The following YARS1 variants were observed in gnomAD, a reference collection of about 807,000 sequenced individuals.
The protein encoded by YARS1 is tyrosyl-tRNA synthetase 1.
YARS1 carries 36 observed loss-of-function variants against 62.2 expected under a neutral mutation model. The ratio of observed to expected loss-of-function variants is 0.58; its 90% CI spans 0.44 to 0.76. The LOEUF (loss-of-function observed/expected upper bound fraction) is 0.76. YARS1 is among the 30% of genes least tolerant of loss of function. The pLI, the probability that YARS1 is intolerant of heterozygous loss-of-function variation, is 0.00. For synonymous variants in YARS1, 234 were observed against 244.9 expected (o/e 0.96, Z 0.42); for missense variants, 524 against 639.8 (o/e 0.82, Z 1.95).
chr1:32,814,184 C>G (rs1175873118), intron 1 of YARS1, among the ~76,000 whole-genome samples: 1 of 152,206 alleles, frequency 6.6e-6, no homozygotes, highest in Non-Finnish European at 1.5e-5. Flanking sequence ...CCCCAACCAT[C>G]TTTTTCACTG....
intron 6 of YARS1, among the ~76,000 whole-genome samples, chr1:32,790,180 C>A (rs1261614646): frequency 1.4e-5 from 2 of 138,664 alleles, no homozygotes; most frequent in African/African-American, 2.6e-5. Context: ...ACCACGCAGG[C>A]CTTTTTTTTT....
At chr1:32,815,760 TAGG>T (rs1477541401) in intron 1 of YARS1, among the ~76,000 whole-genome samples, 1 of 152,152 alleles carries the variant, frequency 6.6e-6, no homozygotes, top group African/African-American at 2.4e-5. Flanking sequence ...TCTCTAAGGC[TAGG>T]AGTAGTGGGT....
At chr1:32,785,646 G>A (rs778408951) in intron 8 of YARS1, among the ~76,000 whole-genome samples, 30 of 150,992 alleles carry the variant, frequency 2.0e-4, no homozygotes, top group Admixed American at 7.9e-4. Context: ...ACAATGGCGC[G>A]ATCTCGGTTC....
At chr1:32,802,238 C>T (rs550778627) in intron 4 of YARS1, among the ~76,000 whole-genome samples, 15 of 152,286 alleles carry the variant, frequency 9.8e-5, no homozygotes, top group African/African-American at 3.6e-4. Flanking sequence ...TGAGCCACCG[C>T]GCCCGGCCTG....
At chr1:32,777,036 T>G (rs1652887568) in intron 12 of YARS1, among the ~76,000 whole-genome samples, 1 of 151,906 alleles carries the variant, frequency 6.6e-6, no homozygotes, top group Non-Finnish European at 1.5e-5. Context: ...CCCTCAATTT[T>G]TTTTTTTTTT....
rs1223256828 is a variant in YARS1 at position 32,776,844 on chromosome 1, G to C, written c.1477-753C>G. ...AGCCGGGTGTGGTGGTGGGGCGCCT[G>C]TAGTCCCAGCTACTCAGAAGGCTGA... On this transcript the variant is annotated intron_variant, in intron 12 of 12. Transcript: ENST00000373477. This position sits in a 1 kb window ranked among gnomAD's most constrained non-coding sequence, Gnocchi z 4.0. 1.3e-5 allele frequency among the ~76,000 whole-genome samples: 2 copies of C among 151,918 alleles called. No individual in the cohort carries two copies. Among genetic ancestry groups the C allele is most frequent in the African/African-American group, 4.8e-5 (2 of 41,404 alleles).
chr1:32,803,399 T>C (rs1638356840), intron 4 of YARS1, among the ~76,000 whole-genome samples: 1 of 151,854 alleles, frequency 6.6e-6, no homozygotes, highest in South Asian at 2.1e-4. Flanking sequence ...CCCAAAGTGC[T>C]GGGATTACAG....
chr1:32,807,050 G>T (rs1280141340), intron 3 of YARS1, among the ~76,000 whole-genome samples: 4 of 152,158 alleles, frequency 2.6e-5, no homozygotes, highest in African/African-American at 9.7e-5. Context: ...AGTCTGGAAC[G>T]ATTAGTCCAT....
Position 32,791,272 on chromosome 1 carries a change from C to A in YARS1, c.592-18G>T. On this transcript the variant is annotated intron_variant, in intron 5 of 12. Transcript: ENST00000373477. ...GGGAGGTACTGAGAGATTAGAGAAACACACAAAAGCCGATATTAGTCTAAG... is the reference window on the plus strand; with the variant it reads ...GGGAGGTACTGAGAGATTAGAGAAAAACACAAAAGCCGATATTAGTCTAAG... 1 of 1,603,780 alleles carries A rather than the reference C, an allele frequency of 6.2e-7. No homozygotes were observed. The highest frequency in any genetic ancestry group is 8.5e-7 in the Non-Finnish European group (1 of 1,170,572).
chr1:32,797,200 C>T (rs1309700029), intron 5 of YARS1, among the ~76,000 whole-genome samples: 1 of 150,042 alleles, frequency 6.7e-6, no homozygotes, highest in African/African-American at 2.5e-5. Flanking sequence ...AGGGAGGCCT[C>T]ATCCCTACAA....
At chr1:32,802,460 C>T (rs186414846) in intron 4 of YARS1, among the ~76,000 whole-genome samples, 50 of 151,992 alleles carry the variant, frequency 3.3e-4, no homozygotes, top group Admixed American at 6.6e-4. Context: ...CCAGATCCAT[C>T]GGAGGAGTCA....
chr1:32,802,284 C>G (rs1229805224), intron 4 of YARS1, among the ~76,000 whole-genome samples: 1 of 152,088 alleles, frequency 6.6e-6, no homozygotes, highest in Non-Finnish European at 1.5e-5. Flanking sequence ...ACAGTGACTT[C>G]CCTCACTGAA....
chr1:32,800,940 T>C (rs1638273441), intron 4 of YARS1, among the ~76,000 whole-genome samples: 1 of 152,234 alleles, frequency 6.6e-6, no homozygotes, highest in Non-Finnish European at 1.5e-5. Context: ...AACAGAAGGA[T>C]GTTTCTGTTA....
Position 32,776,754 on chromosome 1 carries a change from CAGG to C in YARS1, c.1477-666_1477-664del, listed in dbSNP as rs1017275084. Among the ~76,000 whole-genome samples, 5 of 151,984 alleles carry C rather than the reference CAGG, an allele frequency of 3.3e-5. No homozygotes were observed. Among genetic ancestry groups the C allele is most frequent in the African/African-American group, 1.2e-4 (5 of 41,420 alleles). On this transcript the variant is annotated intron_variant, in intron 12 of 12. Transcript: ENST00000373477. The surrounding 1 kb of genome is among the most constrained non-coding windows in gnomAD (Gnocchi z 4.0). ...GGCCGAGGTGGGCGGATCACGAGGT[CAGG>C]AGATTGAGACCATCCTGGCTAATAC...
chr1:32,800,108 G>C (rs1278920682), intron 4 of YARS1, among the ~76,000 whole-genome samples: 1 of 152,034 alleles, frequency 6.6e-6, no homozygotes, highest in African/African-American at 2.4e-5. Flanking sequence ...AGCCTCACAA[G>C]TAGCTGGGAC....
intron 1 of YARS1, among the ~76,000 whole-genome samples, chr1:32,814,682 G>A (rs903879035): frequency 2.0e-5 from 3 of 152,104 alleles, no homozygotes; most frequent in African/African-American, 4.8e-5. Flanking sequence ...GAGCCACTGC[G>A]CTTGGCCCCT....
At chr1:32,801,009 G>A (rs1037793045) in intron 4 of YARS1, among the ~76,000 whole-genome samples, 7 of 151,934 alleles carry the variant, frequency 4.6e-5, no homozygotes, top group African/African-American at 1.5e-4. Flanking sequence ...TTCACATATC[G>A]CTCTGAAGTT....
Position 32,782,495 on chromosome 1 carries a change from C to G in YARS1, c.951G>C (p.Leu317=). The change falls in exon 9 of 13, where the codon CTG becomes CTC. Residue 317 remains leucine, a synonymous_variant. Transcript: ENST00000373477. The part of the protein sequence containing the change: ...GDLKNSVEVA[L]NKLLDPIREK... Reference sequence around the variant, plus strand: ...CCCGGATTGGATCCAGCAACTTGTTCAGTGCGACTTCAACAGAATTCTTCA... The same window carrying G: ...CCCGGATTGGATCCAGCAACTTGTTGAGTGCGACTTCAACAGAATTCTTCA... 1 of 1,614,112 alleles carries G rather than the reference C, an allele frequency of 6.2e-7. No individual in the cohort carries two copies. The highest frequency in any genetic ancestry group is 8.5e-7 in the Non-Finnish European group (1 of 1,180,032).
chr1:32,802,464 G>C (rs1376250709), intron 4 of YARS1, among the ~76,000 whole-genome samples: 1 of 151,890 alleles, frequency 6.6e-6, no homozygotes, highest in East Asian at 1.9e-4. Context: ...ATCCATCGGA[G>C]GAGTCACTAT....
Sources: allele counts gnomAD v4.1 joint callset (sites outside exome capture counted in the v4.1 genomes callset), GRCh38; gene constraint gnomAD v4.1.1; non-coding constraint Gnocchi (gnomAD v3.1); transcripts MANE v1.5; gene names NCBI Gene and HGNC (gene_info 2026-07-23, HGNC 2026-07-21).